The following ASTN1 variants were observed in gnomAD, a reference collection of about 807,000 sequenced individuals.
ASTN1 encodes astrotactin 1, also known as astrotactin-1.
In ASTN1, 41 loss-of-function variants were observed where a neutral mutation model predicts 140.7. That is an observed-to-expected ratio of 0.29 (90% CI 0.23 to 0.38). The LOEUF is 0.38. Among genes scored for constraint, ASTN1 ranks in the 10% least tolerant of loss-of-function variants. The pLI, the probability that ASTN1 is intolerant of heterozygous loss-of-function variation, is 1.00. For missense variants in ASTN1, 1,479 were observed against 1,678.8 expected, an observed-to-expected ratio of 0.88 and a Z score of 2.08; for synonymous variants, 640 against 652.2, an observed-to-expected ratio of 0.98 and a Z score of 0.29.
intron 16 of ASTN1, among the ~76,000 whole-genome samples, chr1:176,924,512 T>G (rs1670872924): frequency 6.6e-6 from 1 of 152,200 alleles, no homozygotes; most frequent in Admixed American, 6.5e-5. Flanking sequence ...ATTATTGCCT[T>G]CATTTATTTG....
At chr1:176,966,332 TTCA>T (rs1295135222) in intron 8 of ASTN1, among the ~76,000 whole-genome samples, 1 of 152,234 alleles carries the variant, frequency 6.6e-6, no homozygotes, top group Non-Finnish European at 1.5e-5. Context: ...GCAGTTGTTC[TTCA>T]ATGACACAAT....
chr1:177,054,638 C>G (rs868279726), intron 2 of ASTN1, among the ~76,000 whole-genome samples: 27 of 152,300 alleles, frequency 1.8e-4, no homozygotes, highest in Middle Eastern at 3.4e-3. Flanking sequence ...TTAGATACAT[C>G]TGCTTCTTTC....
chr1:177,066,890 T>A (rs1233195560), intron 1 of ASTN1, among the ~76,000 whole-genome samples: 1 of 152,164 alleles, frequency 6.6e-6, no homozygotes, highest in African/African-American at 2.4e-5. Flanking sequence ...ATGAGGCTGC[T>A]GTGATTGCTG....
At chr1:176,955,877 T>C (rs546347785) in intron 11 of ASTN1, among the ~76,000 whole-genome samples, 10 of 152,156 alleles carry the variant, frequency 6.6e-5, no homozygotes, top group Non-Finnish European at 1.3e-4. Flanking sequence ...GGGAAGGAGG[T>C]GCACATATGA....
intron 22 of ASTN1, among the ~76,000 whole-genome samples, chr1:176,868,323 C>T (rs74127250): frequency 0.043 from 6,598 of 152,204 alleles, 434 homozygotes; most frequent in African/African-American, 0.15. Context: ...CCCCTGGGGC[C>T]AAGAGAAGTT....
At chr1:177,146,808 A>T (rs926541760) in intron 1 of ASTN1, among the ~76,000 whole-genome samples, 11 of 152,216 alleles carry the variant, frequency 7.2e-5, no homozygotes, top group Admixed American at 6.5e-4. Flanking sequence ...GAATAATTAT[A>T]GTTAGCTTGT....
intron 8 of ASTN1, among the ~76,000 whole-genome samples, chr1:176,983,606 A>G (rs1673733685): frequency 6.6e-6 from 1 of 152,148 alleles, no homozygotes; most frequent in South Asian, 2.1e-4. Flanking sequence ...GAAAATATTC[A>G]CAGACATAGT....
chr1:177,139,717 G>A (rs749732889), intron 1 of ASTN1, among the ~76,000 whole-genome samples: 1 of 152,134 alleles, frequency 6.6e-6, no homozygotes, highest in Non-Finnish European at 1.5e-5. Flanking sequence ...TCTACAGAGA[G>A]CATCAAGAGG....
chr1:177,020,091 T>C (rs1435749542), intron 7 of ASTN1, among the ~76,000 whole-genome samples: 1 of 152,166 alleles, frequency 6.6e-6, no homozygotes, highest in Non-Finnish European at 1.5e-5. Context: ...TTATGCCATG[T>C]TGTCCAGGCT....
At chr1:176,880,688 T>C (rs1423724667) in intron 20 of ASTN1, among the ~76,000 whole-genome samples, 2 of 152,164 alleles carry the variant, frequency 1.3e-5, no homozygotes, top group Non-Finnish European at 2.9e-5. Context: ...TCCACCTCTG[T>C]GGATCCCAGG....
chr1:176,904,585 C>T (rs1222569055), intron 16 of ASTN1, among the ~76,000 whole-genome samples: 1 of 152,132 alleles, frequency 6.6e-6, no homozygotes, highest in African/African-American at 2.4e-5. Flanking sequence ...TGGGCATGCT[C>T]AGCACGCTGC....
intron 14 of ASTN1, among the ~76,000 whole-genome samples, chr1:176,940,286 G>A (rs764629129): frequency 3.3e-5 from 5 of 152,174 alleles, no homozygotes; most frequent in Non-Finnish European, 7.3e-5. Flanking sequence ...TCTACTATCT[G>A]TAAGTCAGAC....
rs1394236419 is a variant in ASTN1, at chr1:176,862,533, C to G, written c.*1751G>C. On this transcript the variant is annotated 3_prime_UTR_variant, in exon 23 of 23. Transcript: ENST00000361833. Reference sequence around the variant, plus strand: ...TTCCCTGTGGGGCTGAGAGCTTGGACAGTTGTGTGCCAGATGATACTGAAA... The same window carrying G: ...TTCCCTGTGGGGCTGAGAGCTTGGAGAGTTGTGTGCCAGATGATACTGAAA... The G allele has an allele frequency of 1.0e-6, 1 of 985,336 alleles. No individual in the cohort carries two copies. Among genetic ancestry groups the G allele is most frequent in the Admixed American group, 6.1e-5 (1 of 16,266 alleles). The allele number at this position is 985,336 out of a possible 1,614,324, so 61.0% of individuals were successfully genotyped here.
chr1:176,870,722 G>A (rs962987019), intron 21 of ASTN1, among the ~76,000 whole-genome samples: 5 of 152,140 alleles, frequency 3.3e-5, no homozygotes, highest in South Asian at 2.1e-4. Context: ...AATAACTTTA[G>A]TATAGAAGTC....
chr1:176,883,050 G>A, intron 19 of ASTN1, 56 bp from the exon 20 acceptor site: 1 of 1,600,476 alleles, frequency 6.2e-7, no homozygotes, highest in Non-Finnish European at 8.6e-7. Context: ...GCCAAGCAAT[G>A]AGGAGATGGA....
intron 8 of ASTN1, among the ~76,000 whole-genome samples, chr1:176,974,408 T>C (rs1266038299): frequency 6.6e-6 from 1 of 151,518 alleles, no homozygotes; most frequent in Admixed American, 6.6e-5. Context: ...TTTTTTGAGA[T>C]GGAGTCTCGC....
At chr1:176,901,900 A>T (rs148515999) in intron 16 of ASTN1, among the ~76,000 whole-genome samples, 1 of 152,360 alleles carries the variant, frequency 6.6e-6, no homozygotes, top group African/African-American at 2.4e-5. Context: ...TTGAAAACAA[A>T]TCTTTTGTCA....
intron 1 of ASTN1, among the ~76,000 whole-genome samples, chr1:177,108,868 C>T (rs1052796180): frequency 6.6e-6 from 1 of 152,068 alleles, no homozygotes; most frequent in African/African-American, 2.4e-5. Flanking sequence ...TAGTTGTAGG[C>T]ATTTAGGTGG....
chr1:177,112,731 A>G (rs1055090751), intron 1 of ASTN1, among the ~76,000 whole-genome samples: 1 of 152,216 alleles, frequency 6.6e-6, no homozygotes, highest in African/African-American at 2.4e-5. Flanking sequence ...CCCATTTCTA[A>G]TAAGATGGCT....
Sources: gnomAD v4.1 joint callset for allele counts (sites outside exome capture counted in the v4.1 genomes callset) on GRCh38, gnomAD v4.1.1 for gene constraint, MANE v1.5 for transcripts, NCBI Gene and HGNC (gene_info 2026-07-23, HGNC 2026-07-21) for gene names.